SLC22A16: variants seen among roughly 807,000 people sequenced by gnomAD.
The protein encoded by SLC22A16 is solute carrier family 22 member 16.
Under a neutral mutation model 52.9 loss-of-function variants are expected in SLC22A16, and 53 were observed. That is an observed-to-expected ratio of 1.00 (90% CI 0.80 to 1.26). The LOEUF (loss-of-function observed/expected upper bound fraction) is 1.26, where lower values mean the gene tolerates loss of function less well. SLC22A16 is among the 50% of genes most tolerant of loss of function. The pLI, the probability that SLC22A16 is intolerant of heterozygous loss-of-function variation, is 0.00. For missense variants in SLC22A16, 726 were observed against 704.0 expected (o/e 1.03, Z -0.35); for synonymous variants, 291 against 268.8 (o/e 1.08, Z -0.81).
intron 6 of SLC22A16, among the ~76,000 whole-genome samples, chr6:110,435,483 C>T (rs1774686925): frequency 6.6e-6 from 1 of 152,138 alleles, no homozygotes; most frequent in Non-Finnish European, 1.5e-5. Context: ...TTGTTTAAGC[C>T]ACCCAGCCTG....
In SLC22A16 at chr6:110,446,892, G is replaced by A. The variant is rs767022950; in HGVS notation, c.632C>T (p.Ala211Val). Residue 211 changes from alanine to valine, a missense_variant, in exon 3 of 8, where the codon GCT (alanine) becomes GTT (valine). By Grantham distance (64) the Ala-to-Val change is moderately conservative. Coordinates refer to ENST00000368919, the MANE Select transcript of SLC22A16 (RefSeq NM_033125.4). ...FAVDYYTFMA[A>V]RFFLAMVASG... The stretch of plus-strand genomic sequence containing the variant: ...ACTCACCATGGCAAGAAAAAAGCGA[G>A]CAGCCATGAAGGTGTAATAATCAAC... 1 of 1,610,732 alleles carries A rather than the reference G, an allele frequency of 6.2e-7. No homozygotes were observed. The highest frequency in any genetic ancestry group is 2.2e-5 in the East Asian group (1 of 44,850).
In SLC22A16 at chr6:110,470,598, C is replaced by T. The variant is rs187897349; in HGVS notation, c.53+5924G>A. Among the ~76,000 whole-genome samples, 8 of 152,234 alleles carry T rather than the reference C, an allele frequency of 5.3e-5. No individual in the cohort carries two copies. The East Asian group carries it at 1.5e-3, about 29-fold the overall frequency. On this transcript the variant is annotated intron_variant, in intron 1 of 7. Coordinates refer to ENST00000368919, the MANE Select transcript of SLC22A16 (RefSeq NM_033125.4). ...TGGCCTCAGTTTTTTTCTTCCTCAGCCAGTGACCCCCACAGTCATCACCAC... is the reference window on the plus strand; with the variant it reads ...TGGCCTCAGTTTTTTTCTTCCTCAGTCAGTGACCCCCACAGTCATCACCAC...
At chr6:110,440,982 C>G (rs1774942875) in intron 4 of SLC22A16, among the ~76,000 whole-genome samples, 1 of 152,098 alleles carries the variant, frequency 6.6e-6, no homozygotes, top group Non-Finnish European at 1.5e-5. Context: ...GAAGCAAGAA[C>G]AAACATCAAA....
Position 110,476,182 on chromosome 6 carries a change from A to G in SLC22A16, c.53+340T>C, listed in dbSNP as rs530012380. 51 of 491,702 alleles carry G rather than the reference A, an allele frequency of 1.0e-4. No homozygotes were observed. The East Asian group carries it at 2.8e-3, about 27-fold the overall frequency. 30.5% of individuals were successfully genotyped at this position (491,702 alleles called of 1,614,324 possible). A position where few individuals can be genotyped will look rare whatever the true frequency, so the allele number is the denominator to read the frequency against. On this transcript the variant is annotated intron_variant, in intron 1 of 7. Transcript: ENST00000368919. ...GGGCGGCCAGGCACAGGCACCCCCT[A>G]CGAGTGAGATCTGGCCCCTCGAGCC...
intron 2 of SLC22A16, among the ~76,000 whole-genome samples, chr6:110,450,611 CA>C (rs35567505): frequency 0.034 from 1,664 of 48,640 alleles, 10 homozygotes; most frequent in African/African-American, 0.094. Flanking sequence ...GACATCTTCT[CA>C]AAAAAAAAAA....
chr6:110,462,130 C>A (rs368107170), intron 1 of SLC22A16, among the ~76,000 whole-genome samples: 4 of 152,112 alleles, frequency 2.6e-5, no homozygotes, highest in African/African-American at 7.2e-5. Flanking sequence ...AAGAACAGCA[C>A]GGGAAATACC....
chr6:110,425,525 T>C, intron 7 of SLC22A16: 1 of 577,246 alleles, frequency 1.7e-6, no homozygotes, highest in Non-Finnish European at 2.7e-6. Context: ...CAATAATCAG[T>C]ACACTATCAG....
intron 1 of SLC22A16, among the ~76,000 whole-genome samples, chr6:110,469,589 T>C (rs1209956594): frequency 3.9e-5 from 6 of 152,154 alleles, no homozygotes; most frequent in Non-Finnish European, 7.4e-5. Flanking sequence ...GATCATACTT[T>C]AAAGCATGTT....
intron 2 of SLC22A16, among the ~76,000 whole-genome samples, chr6:110,451,224 T>C (rs1775368130): frequency 1.3e-5 from 2 of 152,228 alleles, no homozygotes; most frequent in Non-Finnish European, 2.9e-5. Flanking sequence ...GAAGGACATC[T>C]GGGTTGTTTA....
intron 6 of SLC22A16, among the ~76,000 whole-genome samples, chr6:110,433,772 A>G (rs1774602326): frequency 6.6e-6 from 1 of 152,330 alleles, no homozygotes; most frequent in East Asian, 1.9e-4. Context: ...TTCCATTGAT[A>G]AAGCAGGTGT....
At chr6:110,436,610 A>G (rs1774741492) in intron 5 of SLC22A16, among the ~76,000 whole-genome samples, 1 of 152,174 alleles carries the variant, frequency 6.6e-6, no homozygotes, top group Non-Finnish European at 1.5e-5. Flanking sequence ...TGGGTGACAG[A>G]GTGAGATCTT....
At chr6:110,435,997 G>A in intron 5 of SLC22A16, 36 bp from the exon 6 acceptor site, 1 of 1,319,838 alleles carries the variant, frequency 7.6e-7, no homozygotes, top group Non-Finnish European at 1.1e-6. Flanking sequence ...CATCACAAGT[G>A]GTATTTTTAA....
chr6:110,446,441 G>A (rs541085973), intron 3 of SLC22A16, among the ~76,000 whole-genome samples: 38 of 152,192 alleles, frequency 2.5e-4, no homozygotes, highest in Admixed American at 1.5e-3. Flanking sequence ...ATTCAAACTC[G>A]TGCCCTTTCC....
chr6:110,424,942 G>C lies in SLC22A16; in HGVS notation c.1665C>G (p.Leu555=), dbSNP rs779016883. ...ENESKSSKLL[L]TTNNSGLEKT... ...TTTCCAGCCCACTATTATTAGTTGTGAGAAGTAATTTGCTTGACTTGCTTT... is the reference window on the plus strand; with the variant it reads ...TTTCCAGCCCACTATTATTAGTTGTCAGAAGTAATTTGCTTGACTTGCTTT... Residue 555 remains leucine, a synonymous_variant, in exon 8 of 8, where the codon CTC becomes CTG. Transcript: ENST00000368919. The C allele has an allele frequency of 1.2e-6, 2 of 1,614,116 alleles. No homozygotes were observed. Among genetic ancestry groups the C allele is most frequent in the Non-Finnish European group, 1.7e-6 (2 of 1,180,024 alleles).
intron 3 of SLC22A16, among the ~76,000 whole-genome samples, chr6:110,445,254 T>C (rs1284920873): frequency 6.6e-6 from 1 of 152,010 alleles, no homozygotes; most frequent in African/African-American, 2.4e-5. Context: ...GGCTTTTCTT[T>C]CTCATCTCAG....
chr6:110,438,820 A>G lies in SLC22A16; in HGVS notation c.1211T>C (p.Phe404Ser), dbSNP rs778369121. ...GACCTTGTCCATGGCGATGCACACGAAGGTGTAGGCGGGAATTTCCACTAC... is the reference window on the plus strand; with the variant it reads ...GACCTTGTCCATGGCGATGCACACGGAGGTGTAGGCGGGAATTTCCACTAC... ...LGVVEIPAYT[F>S]VCIAMDKVGR... The change falls in exon 5 of 8, where the codon TTC becomes TCC. Residue 404 changes from phenylalanine (F) to serine (S), a missense_variant. By Grantham distance (155) the Phe-to-Ser change is radical. Coordinates refer to ENST00000368919, the MANE Select transcript of SLC22A16 (RefSeq NM_033125.4). 2 of 1,614,128 alleles carry G rather than the reference A, an allele frequency of 1.2e-6. No individual in the cohort carries two copies. Among genetic ancestry groups the G allele is most frequent in the Admixed American group, 3.3e-5 (2 of 60,026 alleles).
rs546281984 is a variant in SLC22A16 at position 110,430,830 on chromosome 6, G to C, written c.1521+341C>G. On this transcript the variant is annotated intron_variant, in intron 7 of 7. Coordinates refer to ENST00000368919, the MANE Select transcript of SLC22A16 (RefSeq NM_033125.4). ...CACTCAGTGGGAACACAGAGGCAAG[G>C]CCAGGCCAGCGGGTGGGGGCAGATG... is the stretch of plus-strand genomic sequence containing the variant. 7.2e-3 allele frequency among the ~76,000 whole-genome samples: 1,103 copies of C among 152,330 alleles called. 5 individuals carry two copies. Among genetic ancestry groups the C allele is most frequent in the Non-Finnish European group, 0.011 (736 of 68,036 alleles).
At chr6:110,476,055 G>T in intron 1 of SLC22A16, 1 of 455,534 alleles carries the variant, frequency 2.2e-6, no homozygotes, top group African/African-American at 2.0e-5. Flanking sequence ...ACTAACGGTT[G>T]TCCCTGGGGA....
chr6:110,460,717 A>G (rs150910164), intron 1 of SLC22A16, among the ~76,000 whole-genome samples: 1 of 152,186 alleles, frequency 6.6e-6, no homozygotes, highest in South Asian at 2.1e-4. Context: ...TGCCCTGCCC[A>G]AGCAACCTCA....
Sources: gnomAD v4.1 joint callset for allele counts (sites outside exome capture counted in the v4.1 genomes callset) on GRCh38, gnomAD v4.1.1 for gene constraint, MANE v1.5 for transcripts, NCBI Gene and HGNC (gene_info 2026-07-23, HGNC 2026-07-21) for gene names.